Variants in PTAR1 observed in about 807,000 individuals in gnomAD.
PTAR1 encodes the protein protein prenyltransferase alpha subunit repeat containing 1.
A neutral mutation model predicts 45.5 loss-of-function variants in PTAR1; 17 were observed. The observed-to-expected ratio is 0.37, with a 90% CI of 0.26 to 0.56. PTAR1 has a LOEUF of 0.56. PTAR1 is among the 20% of genes least tolerant of loss of function. PTAR1 has a pLI of 0.77. For synonymous variants in PTAR1, 169 were observed against 171.3 expected (o/e 0.99, Z 0.11); for missense variants, 391 against 476.3 (o/e 0.82, Z 1.67).
intron 1 of PTAR1, among the ~76,000 whole-genome samples, chr9:69,753,382 A>G (rs1288629721): frequency 6.6e-6 from 1 of 152,172 alleles, no homozygotes; most frequent in Non-Finnish European, 1.5e-5. Flanking sequence ...CTGGTACTTT[A>G]GTGATAATAT....
At chr9:69,734,120 T>C in intron 4 of PTAR1, 30 bp downstream of exon 4, 2 of 1,164,506 alleles carry the variant, frequency 1.7e-6, no homozygotes, top group African/African-American at 1.5e-5. Context: ...GAATCCTAAG[T>C]AAGAGTACTA....
intron 5 of PTAR1, among the ~76,000 whole-genome samples, chr9:69,727,026 TAC>T (rs71356128): frequency 0.32 from 47,424 of 146,980 alleles, 8,195 homozygotes; most frequent in Admixed American, 0.41. Flanking sequence ...ATTGTGTATA[TAC>T]ACACACACAC....
rs191420536 is a variant in PTAR1 at position 69,717,750 on chromosome 9, T to C, written c.*592A>G. 2.0e-5 allele frequency: 3 copies of C among 152,344 alleles called. No homozygotes were observed. The highest frequency in any genetic ancestry group is 4.4e-5 in the Non-Finnish European group (3 of 68,042). 9.4% of individuals were successfully genotyped at this position (152,344 alleles called of 1,614,324 possible). ...TTTTAGAGACAGGGTCTCAACTCTA[T>C]TGCCCAGGCTGAGTACAGTGGTGCA... On this transcript the variant is annotated 3_prime_UTR_variant, in exon 8 of 8. Transcript: ENST00000340434.
At chr9:69,743,807 A>T (rs753633440) in intron 2 of PTAR1, among the ~76,000 whole-genome samples, 17 of 152,204 alleles carry the variant, frequency 1.1e-4, no homozygotes, top group Non-Finnish European at 2.2e-4. Flanking sequence ...AACAAGACCT[A>T]ATTTTGCCTC....
intron 5 of PTAR1, among the ~76,000 whole-genome samples, chr9:69,724,443 G>A (rs971009242): frequency 6.6e-6 from 1 of 152,154 alleles, no homozygotes; most frequent in Admixed American, 6.5e-5. Flanking sequence ...TATATCAAGT[G>A]CCTACCACGT....
chr9:69,741,607 T>A (rs1018429218), intron 3 of PTAR1, 185 bp downstream of exon 3: 4 of 560,818 alleles, frequency 7.1e-6, no homozygotes, highest in Middle Eastern at 4.5e-4. Flanking sequence ...CAAGAAAGTT[T>A]ATGAAGACAC....
chr9:69,716,775 G>T lies in PTAR1; in HGVS notation c.*1567C>A, dbSNP rs1309393538. 6.6e-6 allele frequency: 1 copy of T among 152,094 alleles called. No individual in the cohort carries two copies. Among genetic ancestry groups the T allele is most frequent in the East Asian group, 1.9e-4 (1 of 5,180 alleles). 9.4% of individuals were successfully genotyped at this position (152,094 alleles called of 1,614,324 possible). The stretch of plus-strand genomic sequence containing the variant: ...GCTTCCATCATTAGGGAAACTTTTA[G>T]AAGGGCCACTCTTCATATTTCTGGT... On this transcript the variant is annotated 3_prime_UTR_variant, in exon 8 of 8. Transcript: ENST00000340434.
chr9:69,723,136 TTAA>T (rs58883011), intron 6 of PTAR1, among the ~76,000 whole-genome samples, 187 bp downstream of exon 6: 133,823 of 151,488 alleles, frequency 0.88, 59,836 homozygotes, highest in Middle Eastern at 0.96. Flanking sequence ...GAATCTCTTA[TTAA>T]TGATGATGAT....
rs201847997 is a variant in PTAR1, at chr9:69,729,582, G to GCCA, written c.642+2554_642+2556dup. On this transcript the variant is annotated intron_variant, in intron 5 of 7. Coordinates refer to ENST00000340434, the MANE Select transcript of PTAR1 (RefSeq NM_001099666.2). ...AGCACTTAATTAAGGCACTTTGATA[G>GCCA]CCACTTTATATGAATCCTCCCTTTC... is the stretch of plus-strand genomic sequence containing the variant. 5.7e-3 allele frequency among the ~76,000 whole-genome samples: 870 copies of GCCA among 152,228 alleles called. 9 individuals are homozygous for GCCA. Among genetic ancestry groups the GCCA allele is most frequent in the African/African-American group, 0.018 (738 of 41,530 alleles).
Position 69,710,556 on chromosome 9 carries a change from T to G in PTAR1, c.*7786A>C, listed in dbSNP as rs973984167. On this transcript the variant is annotated 3_prime_UTR_variant, in exon 8 of 8. Coordinates refer to ENST00000340434, the MANE Select transcript of PTAR1 (RefSeq NM_001099666.2). ...AACTCCCAGAAACCCATAAGCACAC[T>G]CTGCATATAAATTATTGCAAAATTC... 3 of 152,162 alleles carry G rather than the reference T, an allele frequency of 2.0e-5. No homozygotes were observed. The highest frequency in any genetic ancestry group is 6.6e-5 in the Admixed American group (1 of 15,248). The allele number at this position is 152,162 out of a possible 1,614,324, so 9.4% of individuals were successfully genotyped here.
At chr9:69,758,578 G>T in intron 1 of PTAR1, 1 of 253,230 alleles carries the variant, frequency 3.9e-6, no homozygotes, top group South Asian at 3.8e-5. Flanking sequence ...GATGCTGTCA[G>T]AGGTGGCAGG....
chr9:69,711,854 A>G lies in PTAR1; in HGVS notation c.*6488T>C, dbSNP rs1400579038. On this transcript the variant is annotated 3_prime_UTR_variant, in exon 8 of 8. Transcript: ENST00000340434. Reference sequence around the variant, plus strand: ...TATAATTTCAAAATTCCACACATATATTACTCTACAAATATACTCCTTGGT... The same window carrying G: ...TATAATTTCAAAATTCCACACATATGTTACTCTACAAATATACTCCTTGGT... 28 of 152,128 alleles carry G rather than the reference A, an allele frequency of 1.8e-4. No individual in the cohort carries two copies. The highest frequency in any genetic ancestry group is 1.8e-3 in the Admixed American group (28 of 15,242). 9.4% of individuals were successfully genotyped at this position (152,128 alleles called of 1,614,324 possible). A position where few individuals can be genotyped will look rare whatever the true frequency, so the allele number is the denominator to read the frequency against.
In PTAR1 at chr9:69,741,856, A is replaced by G. The variant is rs1826057144; in HGVS notation, c.259T>C (p.Leu87=). The G allele has an allele frequency of 6.3e-7, 1 of 1,582,742 alleles. No individual in the cohort carries two copies. Among genetic ancestry groups the G allele is most frequent in the Non-Finnish European group, 8.6e-7 (1 of 1,159,246 alleles). Residue 87 remains leucine, a splice_region_variant and synonymous_variant, in exon 3 of 8, where the codon TTG becomes CTG. Transcript: ENST00000340434. ...AGCAGGGTACATGTGACATCTATCA[A>G]TTCTAAAATAAAGAGAAGTCATATT... is the stretch of plus-strand genomic sequence containing the variant. ...TRKQWLNRDE[L]IDVTCTLLLL... is the part of the protein sequence containing the mutation.
intron 5 of PTAR1, among the ~76,000 whole-genome samples, chr9:69,726,259 G>C (rs1387045345): frequency 6.6e-6 from 1 of 152,100 alleles, no homozygotes; most frequent in Non-Finnish European, 1.5e-5. Context: ...CACATGCACA[G>C]AGTTTATTTT....
intron 2 of PTAR1, among the ~76,000 whole-genome samples, chr9:69,750,277 C>A (rs1261585007): frequency 1.3e-5 from 2 of 151,982 alleles, no homozygotes; most frequent in African/African-American, 2.4e-5. Flanking sequence ...GGCCAGAGCT[C>A]AACTGGAACT....
chr9:69,733,060 C>T (rs4144335), intron 4 of PTAR1, among the ~76,000 whole-genome samples: 2 of 151,210 alleles, frequency 1.3e-5, no homozygotes, highest in Non-Finnish European at 2.9e-5. Context: ...GATTTCAAAC[C>T]CAAAGGTACA....
At position 69,716,349 on chromosome 9, in the gene PTAR1, A is replaced by C. The variant is rs1292994339; in HGVS notation, c.*1993T>G. ...ATTTAATTCAAAATATGCTTTGTACACAAAGGGCCATGGAATTATGTTCAT... is the reference window on the plus strand; with the variant it reads ...ATTTAATTCAAAATATGCTTTGTACCCAAAGGGCCATGGAATTATGTTCAT... On this transcript the variant is annotated 3_prime_UTR_variant, in exon 8 of 8. Transcript: ENST00000340434. The C allele has an allele frequency of 6.6e-6, 1 of 152,108 alleles. No homozygotes were observed. The highest frequency in any genetic ancestry group is 1.5e-5 in the Non-Finnish European group (1 of 68,018). 9.4% of individuals were successfully genotyped at this position (152,108 alleles called of 1,614,324 possible).
Position 69,741,894 on chromosome 9 carries a change from T to C in PTAR1, c.257-36A>G, listed in dbSNP as rs373419326. 15 of 1,310,110 alleles carry C rather than the reference T, an allele frequency of 1.1e-5. No individual in the cohort carries two copies. In the African/African-American group the frequency reaches 2.0e-4, roughly 18 times the overall value. 81.2% of individuals were successfully genotyped at this position (1,310,110 alleles called of 1,614,324 possible). A position where few individuals can be genotyped will look rare whatever the true frequency, so the allele number is the denominator to read the frequency against. ...GAGAAGTCATATTAAAAACAAATAG[T>C]CCTACCTTTTAAAGCTTGGCTTCTC... On this transcript the variant is annotated intron_variant, in intron 2 of 7. Coordinates refer to ENST00000340434, the MANE Select transcript of PTAR1 (RefSeq NM_001099666.2).
In PTAR1 at chr9:69,718,507, G is replaced by A. The variant is rs1824826042; in HGVS notation, c.1044C>T (p.Gly348=). 2 of 1,613,770 alleles carry A rather than the reference G, an allele frequency of 1.2e-6. No homozygotes were observed. Among genetic ancestry groups the A allele is most frequent in the Non-Finnish European group, 1.7e-6 (2 of 1,179,722 alleles). The change falls in exon 8 of 8, where the codon GGC becomes GGT. Residue 348 remains glycine (G), a synonymous_variant. Transcript: ENST00000340434. ...VDGLNDSSKQ[G]YSQETKRLKR... is the part of the protein sequence containing the mutation. ...TCAGGCGTTTGGTTTCCTGGGAATA[G>A]CCTTGCTTGCTAGAGTCATTCAGTC... is the stretch of plus-strand genomic sequence containing the variant.
Sources: allele counts gnomAD v4.1 joint callset (sites outside exome capture counted in the v4.1 genomes callset), GRCh38; gene constraint gnomAD v4.1.1; transcripts MANE v1.5; gene names NCBI Gene and HGNC (gene_info 2026-07-23, HGNC 2026-07-21).